The following SYTL5 variants were observed in gnomAD, a reference collection of about 807,000 sequenced individuals.
The protein encoded by SYTL5 is synaptotagmin-like protein 5.
A neutral mutation model predicts 55.9 loss-of-function variants in SYTL5; 34 were observed. That is an observed-to-expected ratio of 0.61 (90% CI 0.46 to 0.81). SYTL5 has a LOEUF of 0.81. Ranked by LOEUF, SYTL5 falls within the 30% of genes least tolerant of loss-of-function variation. SYTL5 has a pLI of 0.00. For synonymous variants in SYTL5, 221 were observed against 188.7 expected (o/e 1.17, Z -1.40); for missense variants, 637 against 546.7 (o/e 1.17, Z -1.65).
intron 9 of SYTL5, among the ~76,000 whole-genome samples, chrX:38,096,999 A>C (rs946720683): frequency 8.1e-5 from 9 of 111,493 alleles, no homozygotes; most frequent in East Asian, 5.5e-4. Context: ...TTAAACTATT[A>C]AACTATTCGT....
the SYTL5 span, among the ~76,000 whole-genome samples, chrX:37,925,170 A>G: frequency 9.0e-6 from 1 of 111,475 alleles, no homozygotes; most frequent in Non-Finnish European, 1.9e-5. Flanking sequence ...AGTTCCATTC[A>G]TGTTGATGTA....
the SYTL5 span, among the ~76,000 whole-genome samples, chrX:37,924,159 T>G: frequency 2.7e-5 from 3 of 111,340 alleles, no homozygotes; most frequent in African/African-American, 9.8e-5. Context: ...TTACATCACT[T>G]GGTATGCAAG....
At chrX:38,018,060 G>T (rs946807064) in intron 1 of SYTL5, among the ~76,000 whole-genome samples, 1 of 109,233 alleles carries the variant, frequency 9.2e-6, no homozygotes, top group African/African-American at 3.3e-5. Context: ...TCCTAAATGG[G>T]TCCTGTTAAG....
Position 38,102,953 on chromosome X carries a change from T to C in SYTL5, c.1155+519T>C, listed in dbSNP as rs750548920. On this transcript the variant is annotated intron_variant, in intron 10 of 16. Coordinates refer to ENST00000297875, the MANE Select transcript of SYTL5 (RefSeq NM_138780.3). ...CCTTGTATCTAACTGTGTGTAAGTC[T>C]TTTTCTTGGCTTCTCTGATTTCTGT... 24 of 807,241 alleles carry C rather than the reference T, an allele frequency of 3.0e-5. No homozygotes were observed. The African/African-American group carries it at 4.6e-4, about 15-fold the overall frequency. The allele number at this position is 807,241 out of a possible 1,213,427, so 66.5% of individuals were successfully genotyped here. A position where few individuals can be genotyped will look rare whatever the true frequency, so the allele number is the denominator to read the frequency against.
At chrX:37,939,392 C>G in the SYTL5 span, among the ~76,000 whole-genome samples, 2 of 112,080 alleles carry the variant, frequency 1.8e-5, no homozygotes, top group Non-Finnish European at 3.8e-5. Context: ...TATGTTTTAG[C>G]TTTATCTTTA....
At chrX:38,015,590 G>A (rs73463448) in intron 1 of SYTL5, among the ~76,000 whole-genome samples, 10,524 of 110,945 alleles carry the variant, frequency 0.095, 865 homozygotes, top group African/African-American at 0.25. Context: ...CCCATAGGAC[G>A]TTAAAAAAAA....
chrX:37,945,015 C>G, the SYTL5 span, among the ~76,000 whole-genome samples: 3 of 112,930 alleles, frequency 2.7e-5, no homozygotes, highest in Non-Finnish European at 5.6e-5. Context: ...CTTTTGCATT[C>G]TGCAACTACT....
the SYTL5 span, among the ~76,000 whole-genome samples, chrX:37,941,614 A>G: frequency 8.9e-6 from 1 of 111,844 alleles, no homozygotes; most frequent in African/African-American, 3.3e-5. Context: ...GTAGCCTTTA[A>G]CCAATGACTG....
At chrX:37,909,680 A>T in the SYTL5 span, among the ~76,000 whole-genome samples, 2 of 102,981 alleles carry the variant, frequency 1.9e-5, no homozygotes, top group African/African-American at 3.5e-5. Flanking sequence ...TTCTGTTTTT[A>T]TTTTTTTTTT....
At chrX:37,921,428 A>T in the SYTL5 span, among the ~76,000 whole-genome samples, 2 of 111,233 alleles carry the variant, frequency 1.8e-5, no homozygotes, top group African/African-American at 6.5e-5. Context: ...GCTACCAAGA[A>T]TCCCACAACA....
At chrX:38,034,696 C>T (rs1212780084) in intron 2 of SYTL5, among the ~76,000 whole-genome samples, 1 of 112,308 alleles carries the variant, frequency 8.9e-6, no homozygotes. Context: ...GTTTCCCCGG[C>T]ATGACTTCAC....
At chrX:37,899,171 C>T in the SYTL5 span, among the ~76,000 whole-genome samples, 11 of 111,409 alleles carry the variant, frequency 9.9e-5, no homozygotes, top group African/African-American at 3.6e-4. Context: ...AAGCATTAAT[C>T]TATTATACAT....
At chrX:37,969,672 G>A in the SYTL5 span, among the ~76,000 whole-genome samples, 7 of 111,688 alleles carry the variant, frequency 6.3e-5, no homozygotes, top group Non-Finnish European at 1.1e-4. Flanking sequence ...TTGCTCTGTC[G>A]CCCAGGCTGC....
intron 12 of SYTL5, 143 bp downstream of exon 12, chrX:38,108,842 T>C (rs1937284297): frequency 4.9e-6 from 2 of 411,491 alleles, no homozygotes; most frequent in Non-Finnish European, 8.5e-6. Flanking sequence ...ATTAACATAA[T>C]AACCTTGACT....
chrX:38,069,796 A>G (rs1369856958), intron 3 of SYTL5, among the ~76,000 whole-genome samples: 1 of 112,099 alleles, frequency 8.9e-6, no homozygotes, highest in African/African-American at 3.2e-5. Context: ...GCCAAGAAAC[A>G]GGAGACATCT....
the SYTL5 span, among the ~76,000 whole-genome samples, chrX:37,952,161 G>A: frequency 9.0e-6 from 1 of 111,458 alleles, no homozygotes; most frequent in Non-Finnish European, 1.9e-5. Flanking sequence ...AGAGAGGGGA[G>A]TTATGTCAAT....
At chrX:38,123,283 GTATTTT>G (rs1240273131) in intron 15 of SYTL5, among the ~76,000 whole-genome samples, 1 of 111,519 alleles carries the variant, frequency 9.0e-6, no homozygotes, top group African/African-American at 3.3e-5. Flanking sequence ...GGGATTACAG[GTATTTT>G]TATTTTTATT....
At chrX:37,911,260 C>T in the SYTL5 span, among the ~76,000 whole-genome samples, 1 of 111,275 alleles carries the variant, frequency 9.0e-6, no homozygotes, top group Non-Finnish European at 1.9e-5. Flanking sequence ...GTGTGAGCTA[C>T]TGTGCCCGGC....
intron 6 of SYTL5, among the ~76,000 whole-genome samples, chrX:38,080,407 G>T (rs530189507): frequency 9.0e-6 from 1 of 111,389 alleles, no homozygotes; most frequent in Middle Eastern, 4.7e-3. Context: ...AACCAACTAG[G>T]TTCTCATCTT....
Sources: allele counts gnomAD v4.1 joint callset (sites outside exome capture counted in the v4.1 genomes callset), GRCh38; gene constraint gnomAD v4.1.1; transcripts MANE v1.5; gene names NCBI Gene and HGNC (gene_info 2026-07-23, HGNC 2026-07-21).